TMEM35A: variants seen among roughly 807,000 people sequenced by gnomAD.
TMEM35A encodes nicotinic acetylcholine receptor chaperone.
For synonymous variants in TMEM35A, 50 were observed against 54.7 expected (o/e 0.91, Z 0.38); for missense variants, 83 against 132.7 (o/e 0.63, Z 1.84).
Position 101,095,211 on chromosome X carries a change from T to A in TMEM35A, c.*255T>A. ...GCATGTACATGTATACGGCTACTATTGAAGTGTAATTGTGAGATGGACTCC... is the reference window on the plus strand; with the variant it reads ...GCATGTACATGTATACGGCTACTATAGAAGTGTAATTGTGAGATGGACTCC... On this transcript the variant is annotated 3_prime_UTR_variant, in exon 2 of 2. Coordinates refer to ENST00000372930, the MANE Select transcript of TMEM35A (RefSeq NM_021637.3). 3.0e-6 allele frequency: 1 copy of A among 337,130 alleles called. No homozygotes were observed. The highest frequency in any genetic ancestry group is 5.1e-6 in the Non-Finnish European group (1 of 195,861). 27.8% of individuals were successfully genotyped at this position (337,130 alleles called of 1,213,427 possible).
intron 1 of TMEM35A, among the ~76,000 whole-genome samples, chrX:101,088,898 CA>C (rs372375664): frequency 0.024 from 2,394 of 101,794 alleles, 92 homozygotes; most frequent in African/African-American, 0.081. Flanking sequence ...GATTCTGCCT[CA>C]AAAAAAAAAA....
At chrX:101,079,263 C>A in intron 1 of TMEM35A, 141 bp downstream of exon 1, 2 of 751,454 alleles carry the variant, frequency 2.7e-6, no homozygotes, top group Non-Finnish European at 3.8e-6. Context: ...AACTTTGCAG[C>A]TCGGAAGGAG....
intron 1 of TMEM35A, among the ~76,000 whole-genome samples, chrX:101,093,141 A>G (rs922352518): frequency 9.0e-6 from 1 of 111,697 alleles, no homozygotes; most frequent in Non-Finnish European, 1.9e-5. Flanking sequence ...CAAATTAGTG[A>G]ATCTTTACCA....
In TMEM35A at chrX:101,094,881, G is replaced by A. The variant is rs746298743; in HGVS notation, c.429G>A (p.Lys143=). ...RKPEDRSSEK[K]PLPGNAEEQP... Reference sequence around the variant, plus strand: ...CCGAAGACCGGTCTTCTGAGAAGAAGCCTTTGCCAGGGAATGCTGAGGAGC... The same window carrying A: ...CCGAAGACCGGTCTTCTGAGAAGAAACCTTTGCCAGGGAATGCTGAGGAGC... Residue 143 remains lysine (K), a synonymous_variant, in exon 2 of 2, where the codon AAG becomes AAA. Transcript: ENST00000372930. 4.1e-6 allele frequency: 5 copies of A among 1,210,010 alleles called. No homozygotes were observed. In the South Asian group the frequency reaches 5.3e-5, roughly 13 times the overall value.
intron 1 of TMEM35A, among the ~76,000 whole-genome samples, chrX:101,079,737 G>T (rs1471888976): frequency 9.0e-6 from 1 of 111,549 alleles, no homozygotes; most frequent in Non-Finnish European, 1.9e-5. Flanking sequence ...TCTCTCAAGG[G>T]AGAGCTAGAT....
At chrX:101,086,380 C>CA (rs985327481) in intron 1 of TMEM35A, among the ~76,000 whole-genome samples, 1 of 112,197 alleles carries the variant, frequency 8.9e-6, no homozygotes, top group Non-Finnish European at 1.9e-5. Context: ...CTTGGCCTCC[C>CA]ACAGTGCTGG....
At chrX:101,093,065 T>C (rs1159952677) in intron 1 of TMEM35A, among the ~76,000 whole-genome samples, 1 of 111,531 alleles carries the variant, frequency 9.0e-6, no homozygotes, top group African/African-American at 3.2e-5. Context: ...TTTTTATAGA[T>C]TCTACAAATA....
rs765263426 is a variant in TMEM35A, at chrX:101,094,980, A to AC, written c.*26dup. On this transcript the variant is annotated 3_prime_UTR_variant, in exon 2 of 2. Transcript: ENST00000372930. ...AGAAAAGTGGAAGTGCAAAGAGTGG[A>AC]CCTTCCAGGCAGTTGCGTCCATGAC... 6 of 1,147,173 alleles carry AC rather than the reference A, an allele frequency of 5.2e-6. No individual in the cohort carries two copies. 94.5% of individuals were successfully genotyped at this position (1,147,173 alleles called of 1,213,427 possible). A position where few individuals can be genotyped will look rare whatever the true frequency, so the allele number is the denominator to read the frequency against.
At chrX:101,091,290 T>TTC (rs1192191333) in intron 1 of TMEM35A, among the ~76,000 whole-genome samples, 2 of 98,799 alleles carry the variant, frequency 2.0e-5, no homozygotes, top group African/African-American at 3.9e-5. Flanking sequence ...GGACCATCTT[T>TTC]TCTCTCTCTC....
At position 101,096,035 on chromosome X, in the gene TMEM35A, A is replaced by C. The variant is rs2089339316; in HGVS notation, c.*1079A>C. Reference sequence around the variant, plus strand: ...TTCTTCACTGAGCTTTGCTAGTATAAGCAGAGTTCCAAGTCTCCCCTAGGG... The same window carrying C: ...TTCTTCACTGAGCTTTGCTAGTATACGCAGAGTTCCAAGTCTCCCCTAGGG... On this transcript the variant is annotated 3_prime_UTR_variant, in exon 2 of 2. Coordinates refer to ENST00000372930, the MANE Select transcript of TMEM35A (RefSeq NM_021637.3). 8.9e-6 allele frequency: 1 copy of C among 112,645 alleles called. No homozygotes were observed. The highest frequency in any genetic ancestry group is 1.9e-5 in the Non-Finnish European group (1 of 53,389). The allele number at this position is 112,645 out of a possible 1,213,427, so 9.3% of individuals were successfully genotyped here.
intron 1 of TMEM35A, among the ~76,000 whole-genome samples, chrX:101,082,769 G>A (rs914303215): frequency 9.1e-6 from 1 of 109,640 alleles, no homozygotes; most frequent in African/African-American, 3.3e-5. Context: ...CTCAGCCTCC[G>A]GAGTAGCTGG....
chrX:101,092,586 G>A (rs1044095719), intron 1 of TMEM35A, among the ~76,000 whole-genome samples: 3 of 111,061 alleles, frequency 2.7e-5, no homozygotes, highest in African/African-American at 6.5e-5. Context: ...GAGGCTGGGC[G>A]CAATGGCTCA....
At chrX:101,080,542 T>C (rs1209601664) in intron 1 of TMEM35A, among the ~76,000 whole-genome samples, 1 of 110,088 alleles carries the variant, frequency 9.1e-6, no homozygotes, top group Non-Finnish European at 1.9e-5. Flanking sequence ...TTTGACCAGA[T>C]GGAATTGAAA....
At chrX:101,082,583 A>G (rs1164765639) in intron 1 of TMEM35A, among the ~76,000 whole-genome samples, 1 of 109,994 alleles carries the variant, frequency 9.1e-6, no homozygotes, top group Non-Finnish European at 1.9e-5. Context: ...ATTCTGTTTT[A>G]TGGAGTGGTT....
At chrX:101,087,231 C>A (rs1373348551) in intron 1 of TMEM35A, among the ~76,000 whole-genome samples, 1 of 112,177 alleles carries the variant, frequency 8.9e-6, no homozygotes, top group Non-Finnish European at 1.9e-5. Flanking sequence ...GCTGGGATGA[C>A]AGGCGTGAGC....
At chrX:101,093,367 G>A (rs188265490) in intron 1 of TMEM35A, among the ~76,000 whole-genome samples, 2 of 110,413 alleles carry the variant, frequency 1.8e-5, no homozygotes, top group Non-Finnish European at 3.8e-5. Flanking sequence ...AGGCTGGAGC[G>A]CAGTGGCACG....
intron 1 of TMEM35A, chrX:101,081,486 T>C (rs752754726): frequency 2.7e-5 from 3 of 112,130 alleles, no homozygotes; most frequent in Non-Finnish European, 5.6e-5. Context: ...CTTGGCTTGT[T>C]ACCACCCTTC....
chrX:101,083,191 A>G (rs1342190393), intron 1 of TMEM35A, among the ~76,000 whole-genome samples: 1 of 110,993 alleles, frequency 9.0e-6, no homozygotes, highest in African/African-American at 3.3e-5. Flanking sequence ...ATGACTGGCC[A>G]CTCCCTTGAC....
At position 101,095,490 on chromosome X, in the gene TMEM35A, G is replaced by A. The variant is rs1356104548; in HGVS notation, c.*534G>A. The A allele has an allele frequency of 9.3e-6, 1 of 107,407 alleles. No individual in the cohort carries two copies. The highest frequency in any genetic ancestry group is 1.9e-5 in the Non-Finnish European group (1 of 52,277). 8.9% of individuals were successfully genotyped at this position (107,407 alleles called of 1,213,427 possible). A position where few individuals can be genotyped will look rare whatever the true frequency, so the allele number is the denominator to read the frequency against. ...ACAAGTCATGTAGTCTCATGGCCGG[G>A]AATCTCTCCACAGATACTAACAACT... On this transcript the variant is annotated 3_prime_UTR_variant, in exon 2 of 2. Coordinates refer to ENST00000372930, the MANE Select transcript of TMEM35A (RefSeq NM_021637.3).
Sources: gnomAD v4.1 joint callset for allele counts (sites outside exome capture counted in the v4.1 genomes callset) on GRCh38, gnomAD v4.1.1 for gene constraint, MANE v1.5 for transcripts, NCBI Gene and HGNC (gene_info 2026-07-23, HGNC 2026-07-21) for gene names.